The following ZNF519 variants were observed in gnomAD, a reference collection of about 807,000 sequenced individuals.
ZNF519 encodes the protein similar to Zinc finger protein 85 (Zinc finger protein HPF4) (HTF1).
ZNF519 carries 7 observed loss-of-function variants against 7.4 expected under a neutral mutation model. The observed-to-expected ratio is 0.94, with a 90% CI of 0.54 to 1.77. The LOEUF is 1.77. ZNF519 is among the 40% of genes most tolerant of loss of function. The pLI is 0.00. For synonymous variants in ZNF519, 179 were observed against 203.3 expected, an observed-to-expected ratio of 0.88 and a Z score of 1.02; for missense variants, 586 against 623.1, an observed-to-expected ratio of 0.94 and a Z score of 0.63.
rs1056836988 is a variant in ZNF519, at chr18:14,101,722, C to T, written c.*3195G>A. The T allele has an allele frequency of 7.5e-6, 3 of 398,594 alleles. No homozygotes were observed. Among genetic ancestry groups the T allele is most frequent in the African/African-American group, 4.1e-5 (2 of 48,610 alleles). 24.7% of individuals were successfully genotyped at this position (398,594 alleles called of 1,614,324 possible). A position where few individuals can be genotyped will look rare whatever the true frequency, so the allele number is the denominator to read the frequency against. On this transcript the variant is annotated 3_prime_UTR_variant, in exon 3 of 3. Coordinates refer to ENST00000590202, the MANE Select transcript of ZNF519 (RefSeq NM_145287.4). ...GACAGCATGGTACACCTGCCCCTCA[C>T]CCAGGGAGATGAAGTGTCCATCAGT...
Position 14,102,030 on chromosome 18 carries a change from C to T in ZNF519, c.*2887G>A, listed in dbSNP as rs906007937. On this transcript the variant is annotated 3_prime_UTR_variant, in exon 3 of 3. Transcript: ENST00000590202. ...GATTATGTTTTTTGAGAATTTTATG[C>T]CCTGGTAGACCACAAATGAACAATC... 1 of 294,992 alleles carries T rather than the reference C, an allele frequency of 3.4e-6. No homozygotes were observed. Among genetic ancestry groups the T allele is most frequent in the Non-Finnish European group, 6.2e-6 (1 of 161,960 alleles). The allele number at this position is 294,992 out of a possible 1,614,324, so 18.3% of individuals were successfully genotyped here.
chr18:14,078,034 C>G (rs1204535811), intron 4 of ZNF519, among the ~76,000 whole-genome samples: 5 of 152,094 alleles, frequency 3.3e-5, no homozygotes, highest in Non-Finnish European at 7.4e-5. Context: ...TAAAACTGTT[C>G]CACCTCAGAT....
downstream of ZNF519, among the ~76,000 whole-genome samples, chr18:14,096,600 C>T (rs1480461600): frequency 6.6e-6 from 1 of 152,144 alleles, no homozygotes; most frequent in Non-Finnish European, 1.5e-5. Flanking sequence ...ACTGCAGCCT[C>T]AAACACCTGG....
intron 2 of ZNF519, among the ~76,000 whole-genome samples, chr18:14,116,882 A>G (rs927425297): frequency 6.6e-6 from 1 of 152,150 alleles, no homozygotes; most frequent in Non-Finnish European, 1.5e-5. Flanking sequence ...GTGGTGGTAC[A>G]TGCCTGTAAT....
At chr18:14,112,444 G>C (rs894613873) in intron 2 of ZNF519, among the ~76,000 whole-genome samples, 4 of 152,074 alleles carry the variant, frequency 2.6e-5, no homozygotes, top group Non-Finnish European at 5.9e-5. Context: ...TCAACATATG[G>C]CAGCTAGAGC....
At chr18:14,106,496 T>G (rs2046193608) in intron 2 of ZNF519, 87 bp from the exon 3 acceptor site, 1 of 1,208,924 alleles carries the variant, frequency 8.3e-7, no homozygotes, top group Non-Finnish European at 1.1e-6. Flanking sequence ...TTTGCCAAGC[T>G]GAGAACATCA....
At chr18:14,111,594 A>G (rs2046221374) in intron 2 of ZNF519, among the ~76,000 whole-genome samples, 1 of 152,000 alleles carries the variant, frequency 6.6e-6, no homozygotes, top group South Asian at 2.1e-4. Flanking sequence ...GAAAAAGGAG[A>G]CATTTCAACT....
intron 2 of ZNF519, 75 bp downstream of exon 2, chr18:14,124,275 C>CAAGAG: frequency 7.1e-7 from 1 of 1,409,240 alleles, no homozygotes; most frequent in Non-Finnish European, 9.5e-7. Context: ...CAGAAGCTCT[C>CAAGAG]AAGAGACAGT....
At chr18:14,132,030 C>T (rs2046333030) in intron 1 of ZNF519, among the ~76,000 whole-genome samples, 11 of 152,162 alleles carry the variant, frequency 7.2e-5, no homozygotes. Context: ...ATGACTTTCG[C>T]CTCATCACCT....
At chr18:14,087,541 T>C (rs1306609774) in intron 2 of ZNF519, among the ~76,000 whole-genome samples, 2 of 152,116 alleles carry the variant, frequency 1.3e-5, no homozygotes. Flanking sequence ...GGTGACAAAA[T>C]CCCAAGTCTT....
intron 2 of ZNF519, among the ~76,000 whole-genome samples, chr18:14,121,150 G>T (rs2046268155): frequency 6.6e-6 from 1 of 152,140 alleles, no homozygotes; most frequent in Admixed American, 6.5e-5. Flanking sequence ...GAAGCAGAGA[G>T]TAGAAGGGTG....
chr18:14,083,037 T>C (rs1567938430), intron 3 of ZNF519: 1 of 152,136 alleles, frequency 6.6e-6, no homozygotes, highest in Non-Finnish European at 1.5e-5. Context: ...ATTGCATACA[T>C]ACAAAATTTT....
intron 3 of ZNF519, among the ~76,000 whole-genome samples, chr18:14,081,245 T>C (rs114889697): frequency 0.012 from 1,864 of 152,210 alleles, 42 homozygotes; most frequent in African/African-American, 0.043. Flanking sequence ...GGGGACACTA[T>C]GCATGTATGG....
downstream of ZNF519, chr18:14,075,226 G>C (rs1330717270): frequency 1.3e-5 from 2 of 152,148 alleles, no homozygotes; most frequent in Non-Finnish European, 2.9e-5. Flanking sequence ...TGGGGACATA[G>C]CCAAACCATA....
At chr18:14,111,049 T>G (rs2046217898) in intron 2 of ZNF519, among the ~76,000 whole-genome samples, 1 of 150,714 alleles carries the variant, frequency 6.6e-6, no homozygotes, top group East Asian at 1.9e-4. Flanking sequence ...AAAAACCTAA[T>G]GATGTATCTA....
chr18:14,081,853 C>G (rs1464176364), intron 3 of ZNF519, among the ~76,000 whole-genome samples: 1 of 151,900 alleles, frequency 6.6e-6, no homozygotes, highest in African/African-American at 2.4e-5. Context: ...TTTTCTGAAG[C>G]CTAACAAGAT....
chr18:14,128,980 G>A (rs2046316158), intron 1 of ZNF519, among the ~76,000 whole-genome samples: 1 of 152,076 alleles, frequency 6.6e-6, no homozygotes, highest in Non-Finnish European at 1.5e-5. Context: ...ATGGCCTTGG[G>A]CACACTGTGT....
intron 2 of ZNF519, among the ~76,000 whole-genome samples, chr18:14,123,573 G>A (rs548732621): frequency 6.6e-6 from 1 of 152,202 alleles, no homozygotes; most frequent in East Asian, 1.9e-4. Flanking sequence ...CAAAAAATTA[G>A]CCAGGCGTGG....
intron 2 of ZNF519, among the ~76,000 whole-genome samples, chr18:14,086,598 C>G (rs1355688594): frequency 6.6e-6 from 1 of 152,186 alleles, no homozygotes; most frequent in East Asian, 1.9e-4. Flanking sequence ...CTGGGCACAG[C>G]CCTGCAGTGC....
Sources: gnomAD v4.1 joint callset for allele counts (sites outside exome capture counted in the v4.1 genomes callset) on GRCh38, gnomAD v4.1.1 for gene constraint, MANE v1.5 for transcripts, NCBI Gene and HGNC (gene_info 2026-07-23, HGNC 2026-07-21) for gene names.